CPNE1: variants seen among roughly 807,000 people sequenced by gnomAD.
The protein encoded by CPNE1 is copine-1.
A neutral mutation model predicts 63.2 loss-of-function variants in CPNE1; 58 were observed. The ratio of observed to expected loss-of-function variants is 0.92; its 90% CI spans 0.74 to 1.14. CPNE1 has a LOEUF of 1.14. Ranked by LOEUF, CPNE1 falls within the 50% of genes most tolerant of loss-of-function variation. The probability of loss-of-function intolerance (pLI) is 0.00; values close to 1 mark genes in which losing one functional copy is unlikely to be tolerated. For missense variants in CPNE1, 672 were observed against 661.7 expected, an observed-to-expected ratio of 1.02 and a Z score of -0.17; for synonymous variants, 237 against 249.0, an observed-to-expected ratio of 0.95 and a Z score of 0.45.
At chr20:35,640,444 G>A (rs2032737487) in intron 1 of CPNE1, among the ~76,000 whole-genome samples, 1 of 151,994 alleles carries the variant, frequency 6.6e-6, no homozygotes, top group South Asian at 2.1e-4. Flanking sequence ...TATCACATTT[G>A]AGTCAATAAA....
chr20:35,652,512 T>A, intron 1 of CPNE1: 1 of 1,599,558 alleles, frequency 6.3e-7, no homozygotes, highest in Non-Finnish European at 8.5e-7. Context: ...CTATAAAAAA[T>A]GATGTGAATG....
rs750367000 is a variant in CPNE1, at chr20:35,632,299, T to C, written c.384+12A>G. ...TGTTAAGTCCCTCCTCAACCCTTGC[T>C]GGGTTCCTTACCGTGATGGTCCCCC... On this transcript the variant is annotated intron_variant, in intron 4 of 15. Coordinates refer to ENST00000397443, the MANE Select transcript of CPNE1 (RefSeq NM_152925.3). 7.4e-6 allele frequency: 12 copies of C among 1,613,734 alleles called. No individual in the cohort carries two copies. The highest frequency in any genetic ancestry group is 1.0e-5 in the Non-Finnish European group (12 of 1,179,736).
At chr20:35,651,783 C>T (rs1368720967) in intron 1 of CPNE1, 1 of 152,602 alleles carries the variant, frequency 6.6e-6, no homozygotes, top group Non-Finnish European at 1.5e-5. Flanking sequence ...TAAAGGACTC[C>T]ATAGTTTATT....
intron 1 of CPNE1, among the ~76,000 whole-genome samples, chr20:35,645,800 T>C (rs942059794): frequency 1.3e-5 from 2 of 152,214 alleles, no homozygotes; most frequent in African/African-American, 2.4e-5. Context: ...AAGGGAGTTA[T>C]GTATAAAGGC....
chr20:35,646,176 G>A (rs1246341130), intron 1 of CPNE1, among the ~76,000 whole-genome samples: 1 of 138,002 alleles, frequency 7.2e-6, no homozygotes, highest in Non-Finnish European at 1.5e-5. Flanking sequence ...AGGATTGCTT[G>A]AGCCCAGGAC....
Position 35,651,138 on chromosome 20 carries a change from T to C in CPNE1, c.-1+13622A>G, listed in dbSNP as rs1316314814. 35 of 152,220 alleles carry C rather than the reference T, an allele frequency of 2.3e-4. 1 individual carries two copies. Among genetic ancestry groups the C allele is most frequent in the Admixed American group, 2.3e-3 (35 of 15,284 alleles). The allele number at this position is 152,220 out of a possible 1,614,324, so 9.4% of individuals were successfully genotyped here. On this transcript the variant is annotated intron_variant, in intron 1 of 15. Coordinates refer to ENST00000397443, the MANE Select transcript of CPNE1 (RefSeq NM_152925.3). ...TGACAGTGAGAAAATTTGTTTTTCA[T>C]ATCATCTCACCTATCTCCCCTTCCG...
At position 35,627,278 on chromosome 20, in the gene CPNE1, A is replaced by G; in HGVS notation, c.1236+2T>C. 1.2e-6 allele frequency: 2 copies of G among 1,606,394 alleles called. No homozygotes were observed. The highest frequency in any genetic ancestry group is 1.7e-6 in the Non-Finnish European group (2 of 1,176,308). On this transcript the variant is annotated splice_donor_variant, in intron 14 of 15. Coordinates refer to ENST00000397443, the MANE Select transcript of CPNE1 (RefSeq NM_152925.3). LOFTEE classifies it high-confidence loss of function. ...ACTGCCACTGCCACCCACGACTCTCACCGAGGCAGTCCCCTGATGTGCAGC... is the reference window on the plus strand; with the variant it reads ...ACTGCCACTGCCACCCACGACTCTCGCCGAGGCAGTCCCCTGATGTGCAGC...
chr20:35,652,204 C>T (rs1465456378), intron 1 of CPNE1: 4 of 201,216 alleles, frequency 2.0e-5, no homozygotes, highest in Non-Finnish European at 4.0e-5. Flanking sequence ...TTTCTTCATC[C>T]CATATGGTAT....
At chr20:35,645,726 T>C (rs903161747) in intron 1 of CPNE1, among the ~76,000 whole-genome samples, 3 of 152,222 alleles carry the variant, frequency 2.0e-5, no homozygotes, top group Non-Finnish European at 2.9e-5. Flanking sequence ...GTTGCATTAA[T>C]GTCCATCACT....
intron 1 of CPNE1, chr20:35,653,462 G>A (rs1335461183): frequency 1.9e-6 from 3 of 1,614,112 alleles, no homozygotes; most frequent in East Asian, 2.2e-5. Flanking sequence ...ATATCTTCTA[G>A]GGTAACTACA....
At chr20:35,655,862 T>C (rs776137591) in intron 1 of CPNE1, among the ~76,000 whole-genome samples, 3 of 152,198 alleles carry the variant, frequency 2.0e-5, no homozygotes, top group Non-Finnish European at 4.4e-5. Context: ...AAAACTAGAA[T>C]ACTAATGAAT....
chr20:35,661,972 AC>A (rs1310973270), intron 1 of CPNE1, among the ~76,000 whole-genome samples: 1 of 152,220 alleles, frequency 6.6e-6, no homozygotes, highest in African/African-American at 2.4e-5. Context: ...AATGCTAAAA[AC>A]AGTATAATCA....
Position 35,638,665 on chromosome 20 carries a change from C to G in CPNE1, c.1-5742G>C, listed in dbSNP as rs533835259. 5.9e-5 allele frequency among the ~76,000 whole-genome samples: 9 copies of G among 152,260 alleles called. 1 individual carries two copies. Among genetic ancestry groups the G allele is most frequent in the Admixed American group, 5.2e-4 (8 of 15,296 alleles). On this transcript the variant is annotated intron_variant, in intron 1 of 15. Transcript: ENST00000397443. ...CATTTTTAGCCAAAAGAAATGGAAA[C>G]ATTATGTCCACAAAGATTTGTATAA...
Position 35,631,704 on chromosome 20 carries a change from G to A in CPNE1, c.611C>T (p.Pro204Leu), listed in dbSNP as rs917067939. 29 of 1,613,886 alleles carry A rather than the reference G, an allele frequency of 1.8e-5. 1 individual carries two copies. The Middle Eastern group carries it at 4.9e-4, about 27-fold the overall frequency. The stretch of plus-strand genomic sequence containing the variant: ...GCTCCTCACCTGGATGGGTGTGCTG[G>A]GGTTCCCACCACAGAAATGCTGAAC... ...VPVQHFCGGN[P>L]STPIQVQCSD... Residue 204 changes from proline to leucine, a missense_variant, in exon 7 of 16, where the codon CCC becomes CTC. Pro to Leu is a moderately conservative substitution (Grantham distance 98). Coordinates refer to ENST00000397443, the MANE Select transcript of CPNE1 (RefSeq NM_152925.3).
chr20:35,626,959 A>AG, intron 14 of CPNE1, 156 bp from the exon 15 acceptor site: 1 of 693,478 alleles, frequency 1.4e-6, no homozygotes. Flanking sequence ...AGGCTAAGGC[A>AG]GGCGGATCAC....
intron 1 of CPNE1, among the ~76,000 whole-genome samples, chr20:35,663,789 G>A (rs887899560): frequency 5.3e-5 from 8 of 152,254 alleles, no homozygotes; most frequent in African/African-American, 1.9e-4. Context: ...CTGCTGCACT[G>A]GCGTCCAACC....
chr20:35,638,153 T>C (rs1236929048), intron 1 of CPNE1, among the ~76,000 whole-genome samples: 4 of 152,196 alleles, frequency 2.6e-5, no homozygotes, highest in African/African-American at 9.7e-5. Flanking sequence ...TATTAGTACT[T>C]AGTATATAGC....
Position 35,632,881 on chromosome 20 carries a change from C to T in CPNE1, c.43G>A (p.Asp15Asn). ...CCGATGTCCTTGTCAATGAGATGGT[C>T]ACAGGAAATGGACAGCTGAACCAAG... Reference protein sequence around the residue: ...VTLVQLSISCDHLIDKDIGSK... With the variant: ...VTLVQLSISCNHLIDKDIGSK... The change falls in exon 2 of 16, where the codon GAC becomes AAC. Residue 15 changes from aspartate to asparagine, a missense_variant. Physicochemically the swap from Asp to Asn is conservative, Grantham distance 23. Transcript: ENST00000397443. 1.1e-6 allele frequency: 1 copy of T among 872,886 alleles called. No homozygotes were observed. 54.1% of individuals were successfully genotyped at this position (872,886 alleles called of 1,614,324 possible). A position where few individuals can be genotyped will look rare whatever the true frequency, so the allele number is the denominator to read the frequency against.
intron 1 of CPNE1, 22 bp from the exon 2 acceptor site, chr20:35,632,945 C>A: frequency 3.5e-6 from 3 of 864,480 alleles, no homozygotes; most frequent in South Asian, 2.7e-5. Context: ...GGAGCTGGGT[C>A]AAGCACCAGG....
Sources: allele counts gnomAD v4.1 joint callset (sites outside exome capture counted in the v4.1 genomes callset), GRCh38; gene constraint gnomAD v4.1.1; transcripts MANE v1.5; gene names NCBI Gene and HGNC (gene_info 2026-07-23, HGNC 2026-07-21).